HERC3: variants seen among roughly 807,000 people sequenced by gnomAD.
HERC3 encodes the protein probable E3 ubiquitin-protein ligase HERC3.
Under a neutral mutation model 129.9 loss-of-function variants are expected in HERC3, and 58 were observed. The ratio of observed to expected loss-of-function variants is 0.45; its 90% CI spans 0.36 to 0.56. The LOEUF is 0.56. HERC3 is among the 20% of genes least tolerant of loss of function. HERC3 has a pLI of 0.00. For missense variants in HERC3, 835 were observed against 1,244.2 expected, an observed-to-expected ratio of 0.67 and a Z score of 4.95; for synonymous variants, 430 against 451.0, an observed-to-expected ratio of 0.95 and a Z score of 0.59.
chr4:88,674,768 G>A lies in HERC3; in HGVS notation c.1912-1450G>A, dbSNP rs3775408. Among the ~76,000 whole-genome samples, 3 of 152,094 alleles carry A rather than the reference G, an allele frequency of 2.0e-5. No homozygotes were observed. In the East Asian group the frequency reaches 5.8e-4, roughly 29 times the overall value. ...CATGAGAGTGAGTAAGATTGGTCTG[G>A]ATTATATATGCAGGATTTCATACCT... On this transcript the variant is annotated intron_variant, in intron 16 of 25. Coordinates refer to ENST00000402738, the MANE Select transcript of HERC3 (RefSeq NM_014606.3).
chr4:88,686,345 AT>A (rs1733454661), intron 21 of HERC3, among the ~76,000 whole-genome samples: 1 of 152,110 alleles, frequency 6.6e-6, no homozygotes, highest in African/African-American at 2.4e-5. Flanking sequence ...TGGAAGGATT[AT>A]TTTACTAATG....
At position 88,669,863 on chromosome 4, in the gene HERC3, A is replaced by C; in HGVS notation, c.1637A>C (p.Asn546Thr). The C allele has an allele frequency of 6.2e-7, 1 of 1,610,758 alleles. No individual in the cohort carries two copies. Among genetic ancestry groups the C allele is most frequent in the Non-Finnish European group, 8.5e-7 (1 of 1,177,618 alleles). ...LDTNPSKVLDNWWSQVCPKYF... is the reference protein window; with the variant it reads ...LDTNPSKVLDTWWSQVCPKYF... The stretch of plus-strand genomic sequence containing the variant: ...TGTCTTTTCTTTCTTTCTAAAGATA[A>C]CTGGTGGTCTCAGGTATGCCCGAAA... The change falls in exon 15 of 26, where the codon AAC becomes ACC. Residue 546 changes from asparagine (N) to threonine (T), a missense_variant. Asn to Thr is a moderately conservative substitution (Grantham distance 65). Coordinates refer to ENST00000402738, the MANE Select transcript of HERC3 (RefSeq NM_014606.3).
chr4:88,635,210 T>C (rs1727247675), intron 3 of HERC3, among the ~76,000 whole-genome samples: 1 of 151,736 alleles, frequency 6.6e-6, no homozygotes, highest in Admixed American at 6.6e-5. Context: ...TTCGCTGAGG[T>C]AAAGGAGCAT....
At chr4:88,612,323 G>GTGTGTT (rs1724432387) in intron 3 of HERC3, among the ~76,000 whole-genome samples, 1 of 149,256 alleles carries the variant, frequency 6.7e-6, no homozygotes, top group South Asian at 2.1e-4. Context: ...GTGTGTGTGT[G>GTGTGTT]TGTGGTAAGA....
the HERC3 span, among the ~76,000 whole-genome samples, chr4:88,544,713 T>C: frequency 6.6e-6 from 1 of 152,274 alleles, no homozygotes; most frequent in African/African-American, 2.4e-5. Context: ...ATGTGGCACA[T>C]ATACACCATG....
chr4:88,657,894 G>T (rs1730084126), intron 9 of HERC3, among the ~76,000 whole-genome samples: 1 of 152,026 alleles, frequency 6.6e-6, no homozygotes, highest in Non-Finnish European at 1.5e-5. Flanking sequence ...ATGTGCCAGG[G>T]GCAGCAGAGG....
chr4:88,581,449 G>A, the HERC3 span, among the ~76,000 whole-genome samples: 1 of 148,174 alleles, frequency 6.7e-6, no homozygotes, highest in African/African-American at 2.6e-5. Flanking sequence ...AGGTGCCCGC[G>A]ACCATGCCTG....
chr4:88,608,042 T>C (rs1723867381), intron 3 of HERC3, among the ~76,000 whole-genome samples: 2 of 152,262 alleles, frequency 1.3e-5, no homozygotes, highest in South Asian at 4.1e-4. Context: ...GATGATTTTA[T>C]CATTTTATTT....
chr4:88,606,259 T>C (rs1186397082), intron 3 of HERC3, among the ~76,000 whole-genome samples: 28 of 150,838 alleles, frequency 1.9e-4, no homozygotes, highest in South Asian at 6.3e-4. Context: ...TTTTCTTTTT[T>C]TTTTTTTTTT....
At chr4:88,555,432 G>A in the HERC3 span, among the ~76,000 whole-genome samples, 1 of 152,128 alleles carries the variant, frequency 6.6e-6, no homozygotes, top group Non-Finnish European at 1.5e-5. Context: ...TTATTTTGGG[G>A]TAGTTTGAGA....
intron 3 of HERC3, among the ~76,000 whole-genome samples, chr4:88,639,209 A>C (rs1727794121): frequency 6.6e-6 from 1 of 152,214 alleles, no homozygotes; most frequent in Non-Finnish European, 1.5e-5. Flanking sequence ...TCAAACTATA[A>C]TTAAAATTCT....
At chr4:88,624,720 A>G (rs374711959) in intron 3 of HERC3, among the ~76,000 whole-genome samples, 2 of 152,186 alleles carry the variant, frequency 1.3e-5, no homozygotes, top group Non-Finnish European at 2.9e-5. Context: ...AATGAAGTCT[A>G]ATTTTCAATT....
intron 23 of HERC3, among the ~76,000 whole-genome samples, chr4:88,700,702 G>C (rs1045540758): frequency 6.6e-6 from 1 of 151,974 alleles, no homozygotes; most frequent in Non-Finnish European, 1.5e-5. Flanking sequence ...GAAGCCGAGG[G>C]GGGTGGGGGC....
At chr4:88,689,271 A>C (rs1266656794) in intron 23 of HERC3, among the ~76,000 whole-genome samples, 1 of 151,850 alleles carries the variant, frequency 6.6e-6, no homozygotes, top group African/African-American at 2.4e-5. Context: ...TTGGGAGGCC[A>C]AGGTGGGTGA....
the HERC3 span, among the ~76,000 whole-genome samples, chr4:88,557,838 C>T: frequency 1.1e-4 from 16 of 152,034 alleles, no homozygotes; most frequent in Admixed American, 7.2e-4. Flanking sequence ...GGGCAGATCA[C>T]CTGAGGTCAG....
chr4:88,691,518 C>A (rs1734072842), intron 23 of HERC3, among the ~76,000 whole-genome samples: 1 of 152,206 alleles, frequency 6.6e-6, no homozygotes, highest in Admixed American at 6.5e-5. Flanking sequence ...CTCGTTGTAT[C>A]CTAGCATGGT....
chr4:88,662,393 A>G (rs779671024), intron 10 of HERC3, 38 bp from the exon 11 acceptor site: 3 of 1,579,476 alleles, frequency 1.9e-6, no homozygotes, highest in Non-Finnish European at 1.7e-6. Flanking sequence ...TCCATGCTAC[A>G]TAATTTCTTC....
chr4:88,609,879 A>G (rs966496217), intron 3 of HERC3, among the ~76,000 whole-genome samples: 2 of 152,172 alleles, frequency 1.3e-5, no homozygotes, highest in African/African-American at 4.8e-5. Flanking sequence ...TGCTGATTGC[A>G]TATTTTTATG....
chr4:88,697,812 C>G, intron 23 of HERC3: 4 of 1,527,252 alleles, frequency 2.6e-6, no homozygotes, highest in Non-Finnish European at 3.5e-6. Context: ...TGCACCCGAG[C>G]TGGTCCAGAG....
Sources: gnomAD v4.1 joint callset for allele counts (sites outside exome capture counted in the v4.1 genomes callset) on GRCh38, gnomAD v4.1.1 for gene constraint, MANE v1.5 for transcripts, NCBI Gene and HGNC (gene_info 2026-07-23, HGNC 2026-07-21) for gene names.